PREX1: variants seen among roughly 807,000 people sequenced by gnomAD.
The protein encoded by PREX1 is phosphatidylinositol-3,4,5-trisphosphate dependent Rac exchange factor 1.
A neutral mutation model predicts 198.3 loss-of-function variants in PREX1; 41 were observed. That is an observed-to-expected ratio of 0.21 (90% CI 0.16 to 0.27). The LOEUF (loss-of-function observed/expected upper bound fraction) is 0.27, where lower values mean the gene tolerates loss of function less well. Among genes scored for constraint, PREX1 ranks in the 10% least tolerant of loss-of-function variants. The pLI is 1.00. For synonymous variants in PREX1, 843 were observed against 887.2 expected, an observed-to-expected ratio of 0.95 and a Z score of 0.89; for missense variants, 1,620 against 2,200.7, an observed-to-expected ratio of 0.74 and a Z score of 5.28.
At chr20:48,703,211 A>C (rs1337839069) in intron 6 of PREX1, among the ~76,000 whole-genome samples, 1 of 152,218 alleles carries the variant, frequency 6.6e-6, no homozygotes, top group African/African-American at 2.4e-5. Flanking sequence ...TCCGTGGTCC[A>C]GTTGGGTACA....
chr20:48,800,710 G>A (rs2090382566), intron 1 of PREX1, among the ~76,000 whole-genome samples: 1 of 152,180 alleles, frequency 6.6e-6, no homozygotes, highest in Non-Finnish European at 1.5e-5. Context: ...CTCGGGCAGG[G>A]CTAAAACAAG....
At chr20:48,659,299 CAAGAA>C (rs936961455) in intron 16 of PREX1, among the ~76,000 whole-genome samples, 1 of 125,594 alleles carries the variant, frequency 8.0e-6, no homozygotes, top group African/African-American at 3.1e-5. Context: ...GAAAAGAAAA[CAAGAA>C]AAGAGAAAAG....
chr20:48,878,619 T>C, the PREX1 span, among the ~76,000 whole-genome samples: 199 of 152,302 alleles, frequency 1.3e-3, no homozygotes, highest in Non-Finnish European at 2.4e-3. Context: ...ATTATAGGCA[T>C]GAGCCACCGC....
Position 48,679,768 on chromosome 20 carries a change from A to T in PREX1, c.1436-14T>A, listed in dbSNP as rs372922077. 1.9e-6 allele frequency: 3 copies of T among 1,594,166 alleles called. No homozygotes were observed. The highest frequency in any genetic ancestry group is 1.1e-5 in the South Asian group (1 of 90,652). ...GCTTGTCGGAAACTGGAGAGACAGG[A>T]GGACCTGTGACGCTGGGCACGCCCC... is the stretch of plus-strand genomic sequence containing the variant. On this transcript the variant is annotated splice_polypyrimidine_tract_variant and intron_variant, in intron 11 of 39. Transcript: ENST00000371941.
intron 1 of PREX1, among the ~76,000 whole-genome samples, chr20:48,769,113 A>C (rs1036718451): frequency 3.3e-5 from 5 of 152,184 alleles, no homozygotes; most frequent in Non-Finnish European, 5.9e-5. Flanking sequence ...ACAACTGTGC[A>C]TCCACGAAGC....
chr20:48,668,271 C>A (rs527462784), intron 14 of PREX1, among the ~76,000 whole-genome samples: 49 of 152,286 alleles, frequency 3.2e-4, no homozygotes, highest in African/African-American at 1.2e-3. Context: ...GAAGGCAGCA[C>A]GGCCGACCAG....
chr20:48,763,497 C>T (rs1222686023), intron 1 of PREX1, among the ~76,000 whole-genome samples: 1 of 152,218 alleles, frequency 6.6e-6, no homozygotes, highest in Non-Finnish European at 1.5e-5. Context: ...AATGCGGTCT[C>T]CTCTCTGTGG....
intron 32 of PREX1, among the ~76,000 whole-genome samples, 193 bp from the exon 33 acceptor site, chr20:48,634,968 T>A (rs999405129): frequency 6.6e-6 from 1 of 152,104 alleles, no homozygotes; most frequent in Non-Finnish European, 1.5e-5. Flanking sequence ...CTTTCAAGGG[T>A]CATAGAACCC....
chr20:48,680,236 A>G (rs1036602046), intron 11 of PREX1, among the ~76,000 whole-genome samples: 2 of 152,056 alleles, frequency 1.3e-5, no homozygotes, highest in East Asian at 3.9e-4. Context: ...TAAGGCCCTA[A>G]CCTTCAAGAT....
At chr20:48,628,040 C>A in intron 37 of PREX1, 77 bp from the exon 38 acceptor site, 1 of 974,576 alleles carries the variant, frequency 1.0e-6, no homozygotes. Flanking sequence ...AGTCAGAGGA[C>A]AGTGGGTGAG....
chr20:48,626,476 T>C (rs2089273415), intron 39 of PREX1, among the ~76,000 whole-genome samples: 1 of 152,228 alleles, frequency 6.6e-6, no homozygotes, highest in African/African-American at 2.4e-5. Context: ...ACTTAACCTC[T>C]CTGTGCCTTA....
chr20:48,755,720 A>G (rs2090153509), intron 1 of PREX1, among the ~76,000 whole-genome samples: 1 of 152,214 alleles, frequency 6.6e-6, no homozygotes, highest in African/African-American at 2.4e-5. Flanking sequence ...ATTACAGAAT[A>G]AGGAAATAAA....
At chr20:48,687,772 C>T (rs1178066788) in intron 10 of PREX1, among the ~76,000 whole-genome samples, 1 of 152,178 alleles carries the variant, frequency 6.6e-6, no homozygotes, top group Non-Finnish European at 1.5e-5. Context: ...TCTTCTACCT[C>T]TCCCGTGCCC....
At chr20:48,799,755 G>T (rs1396031869) in intron 1 of PREX1, among the ~76,000 whole-genome samples, 2 of 152,188 alleles carry the variant, frequency 1.3e-5, no homozygotes, top group African/African-American at 4.8e-5. Context: ...GGGCAGAGGG[G>T]CCAGCTGGGT....
chr20:48,773,744 G>A (rs1204781212), intron 1 of PREX1, among the ~76,000 whole-genome samples: 1 of 152,166 alleles, frequency 6.6e-6, no homozygotes. Context: ...AGTGCCTTCT[G>A]GGCCACAGTG....
In PREX1 at chr20:48,758,863, A is replaced by T. The variant is rs555585419; in HGVS notation, c.220-10983T>A. Reference sequence around the variant, plus strand: ...TTCCTCACAGCACCTGTCACCATGGACATTATGTGTGTTCATTATCAGTCT... The same window carrying T: ...TTCCTCACAGCACCTGTCACCATGGTCATTATGTGTGTTCATTATCAGTCT... On this transcript the variant is annotated intron_variant, in intron 1 of 39. Transcript: ENST00000371941. Among the ~76,000 whole-genome samples the T allele has an allele frequency of 9.9e-5, 15 of 152,252 alleles. No individual in the cohort carries two copies. In the South Asian group the frequency reaches 3.1e-3, roughly 32 times the overall value.
At chr20:48,656,781 C>T (rs565886512) in intron 18 of PREX1, among the ~76,000 whole-genome samples, 1 of 152,332 alleles carries the variant, frequency 6.6e-6, no homozygotes, top group African/African-American at 2.4e-5. Context: ...CCTCCTCCCC[C>T]AACTAGATCT....
Position 48,708,893 on chromosome 20 carries a change from C to T in PREX1, c.622-472G>A, listed in dbSNP as rs369197141. 1.8e-4 allele frequency among the ~76,000 whole-genome samples: 28 copies of T among 152,222 alleles called. No individual in the cohort carries two copies. In the East Asian group the frequency reaches 2.7e-3, roughly 15 times the overall value. On this transcript the variant is annotated intron_variant, in intron 5 of 39. Transcript: ENST00000371941. ...ACAGAGAGATCCGCGGTCACAGAGGCGGCCCCAACACTGCTCCTCCCCAGG... is the reference window on the plus strand; with the variant it reads ...ACAGAGAGATCCGCGGTCACAGAGGTGGCCCCAACACTGCTCCTCCCCAGG...
intron 5 of PREX1, among the ~76,000 whole-genome samples, chr20:48,717,490 A>G (rs1031182568): frequency 8.7e-6 from 1 of 114,362 alleles, no homozygotes; most frequent in East Asian, 2.1e-4. Context: ...GATACCCACC[A>G]CCACTTTAAA....
Sources: gnomAD v4.1 joint callset for allele counts (sites outside exome capture counted in the v4.1 genomes callset) on GRCh38, gnomAD v4.1.1 for gene constraint, MANE v1.5 for transcripts, NCBI Gene and HGNC (gene_info 2026-07-23, HGNC 2026-07-21) for gene names.